The following CCDC138 variants were observed in gnomAD, a reference collection of about 807,000 sequenced individuals.
CCDC138 encodes coiled-coil domain containing 138, also known as coiled-coil domain-containing protein 138.
In CCDC138, 66 loss-of-function variants were observed where a neutral mutation model predicts 82.3. That is an observed-to-expected ratio of 0.80 (90% CI 0.66 to 0.98). The LOEUF is 0.98. CCDC138 is among the 50% of genes least tolerant of loss of function. The probability of loss-of-function intolerance (pLI) is 0.00; values close to 1 mark genes in which losing one functional copy is unlikely to be tolerated. For missense variants in CCDC138, 816 were observed against 758.9 expected (o/e 1.08, Z -0.88); for synonymous variants, 297 against 265.4 (o/e 1.12, Z -1.16).
intron 11 of CCDC138, among the ~76,000 whole-genome samples, chr2:108,843,888 T>TTC (rs1574183215): frequency 7.2e-4 from 81 of 113,162 alleles, no homozygotes; most frequent in African/African-American, 2.4e-3. Context: ...GTTTCTTTCT[T>TTC]TTTTTTTTTT....
At chr2:108,873,372 A>G (rs1476503280) in intron 13 of CCDC138, 79 bp from the exon 14 acceptor site, 7 of 1,243,820 alleles carry the variant, frequency 5.6e-6, no homozygotes, top group Non-Finnish European at 7.5e-6. Context: ...AATGCCTCAC[A>G]TAGTTCTGAT....
At chr2:108,868,547 C>T (rs1309785959) in intron 13 of CCDC138, among the ~76,000 whole-genome samples, 1 of 152,120 alleles carries the variant, frequency 6.6e-6, no homozygotes, top group Non-Finnish European at 1.5e-5. Flanking sequence ...GAGACTGTAA[C>T]ACCTAAAAAC....
Position 108,853,528 on chromosome 2 carries a change from CT to C in CCDC138, c.1517-3252del, listed in dbSNP as rs34664337. Among the ~76,000 whole-genome samples the C allele has an allele frequency of 8.0e-3, 1,115 of 138,964 alleles. 9 individuals carry two copies. Among genetic ancestry groups the C allele is most frequent in the South Asian group, 0.025 (112 of 4,430 alleles). 91.2% of individuals were successfully genotyped at this position (138,964 alleles called of 152,430 possible). A position where few individuals can be genotyped will look rare whatever the true frequency, so the allele number is the denominator to read the frequency against. On this transcript the variant is annotated intron_variant, in intron 12 of 14. Coordinates refer to ENST00000295124, the MANE Select transcript of CCDC138 (RefSeq NM_144978.3). ...AATTATTTGGTTTACTGATAGCTTT[CT>C]TTTTTTTTTTTTTGAGAGATGGGAT...
intron 11 of CCDC138, 132 bp downstream of exon 11, chr2:108,839,433 G>A: frequency 1.4e-6 from 1 of 718,804 alleles, no homozygotes; most frequent in South Asian, 2.7e-5. Flanking sequence ...TGTCTTGCTG[G>A]GATTTTGATA....
chr2:108,824,558 C>T (rs957490060), intron 10 of CCDC138, among the ~76,000 whole-genome samples: 1 of 152,086 alleles, frequency 6.6e-6, no homozygotes, highest in African/African-American at 2.4e-5. Context: ...TCCTGGAAGA[C>T]CTGCTGAAGG....
chr2:108,808,827 A>G (rs1173513784), intron 7 of CCDC138, among the ~76,000 whole-genome samples: 3 of 151,272 alleles, frequency 2.0e-5, no homozygotes, highest in Non-Finnish European at 4.4e-5. Flanking sequence ...ATTGTTTCCA[A>G]TCTCATTTGT....
chr2:108,826,630 G>T (rs1017785837), intron 10 of CCDC138, among the ~76,000 whole-genome samples: 1 of 152,084 alleles, frequency 6.6e-6, no homozygotes, highest in Admixed American at 6.6e-5. Context: ...CCTTATGCCG[G>T]TGTCACACTC....
intron 10 of CCDC138, among the ~76,000 whole-genome samples, chr2:108,823,706 C>T (rs900992137): frequency 3.9e-5 from 6 of 152,194 alleles, no homozygotes; most frequent in African/African-American, 1.4e-4. Context: ...CTGGGCCAGG[C>T]TCAGTGGCTC....
intron 12 of CCDC138, among the ~76,000 whole-genome samples, chr2:108,853,804 G>A (rs1203159637): frequency 7.2e-6 from 1 of 139,402 alleles, no homozygotes; most frequent in East Asian, 2.0e-4. Flanking sequence ...GGAGTTACAG[G>A]CACCAGCCAT....
intron 7 of CCDC138, among the ~76,000 whole-genome samples, chr2:108,808,414 C>T (rs1222067592): frequency 2.0e-5 from 3 of 152,036 alleles, no homozygotes; most frequent in Non-Finnish European, 4.4e-5. Flanking sequence ...GTTGTGTTTT[C>T]GTTTTTTTGG....
chr2:108,872,572 G>A (rs536382353), intron 13 of CCDC138, among the ~76,000 whole-genome samples: 129 of 152,196 alleles, frequency 8.5e-4, no homozygotes, highest in Non-Finnish European at 1.5e-3. Flanking sequence ...CTTTAATGGC[G>A]TATATTCTAG....
intron 9 of CCDC138, 105 bp downstream of exon 9, chr2:108,813,032 G>A (rs113598907): frequency 2.5e-5 from 20 of 808,202 alleles, no homozygotes; most frequent in South Asian, 1.2e-4. Flanking sequence ...GGCGGATCAC[G>A]ATGTCAGGAG....
chr2:108,858,642 A>T (rs186989361), intron 13 of CCDC138, among the ~76,000 whole-genome samples: 1 of 151,958 alleles, frequency 6.6e-6, no homozygotes, highest in East Asian at 1.9e-4. Flanking sequence ...TCATTTTTCT[A>T]GGTTTGAGAT....
intron 12 of CCDC138, among the ~76,000 whole-genome samples, chr2:108,852,759 A>AG (rs1384405333): frequency 6.6e-6 from 1 of 152,124 alleles, no homozygotes; most frequent in Non-Finnish European, 1.5e-5. Context: ...AGAGGGTGGG[A>AG]GGAGGGACAG....
chr2:108,836,011 G>A (rs554255011), intron 10 of CCDC138, among the ~76,000 whole-genome samples: 10 of 152,118 alleles, frequency 6.6e-5, no homozygotes, highest in Admixed American at 1.3e-4. Context: ...TTATAATGCC[G>A]TTAATCCATT....
At chr2:108,880,321 ATTG>A (rs1696257521), downstream of CCDC138, among the ~76,000 whole-genome samples, 2 of 152,322 alleles carry the variant, frequency 1.3e-5, no homozygotes, top group East Asian at 1.9e-4. Context: ...AAGACTCAAT[ATTG>A]TTAAGATGTC....
intron 7 of CCDC138, among the ~76,000 whole-genome samples, chr2:108,812,066 C>T (rs1477457372): frequency 3.3e-5 from 5 of 151,918 alleles, no homozygotes; most frequent in Non-Finnish European, 5.9e-5. Context: ...AGGAATAAAT[C>T]TAAAGAGAGA....
intron 9 of CCDC138, 98 bp downstream of exon 9, chr2:108,813,025 G>A (rs762606968): frequency 3.9e-5 from 34 of 878,452 alleles, no homozygotes; most frequent in African/African-American, 6.8e-5. Flanking sequence ...TGAGATGGGC[G>A]GATCACGATG....
At chr2:108,880,554 A>G (rs1218150588), downstream of CCDC138, among the ~76,000 whole-genome samples, 1 of 151,462 alleles carries the variant, frequency 6.6e-6, no homozygotes, top group Non-Finnish European at 1.5e-5. Flanking sequence ...CTCTCTTGTT[A>G]GAGTTTAATG....
Sources: allele counts gnomAD v4.1 joint callset (sites outside exome capture counted in the v4.1 genomes callset), GRCh38; gene constraint gnomAD v4.1.1; transcripts MANE v1.5; gene names NCBI Gene and HGNC (gene_info 2026-07-23, HGNC 2026-07-21).